LPIN2: variants seen among roughly 807,000 people sequenced by gnomAD.
LPIN2 encodes phosphatidate phosphatase LPIN2.
LPIN2 carries 55 observed loss-of-function variants against 111.4 expected under a neutral mutation model. The observed-to-expected ratio is 0.49, with a 90% CI of 0.40 to 0.62. The LOEUF (loss-of-function observed/expected upper bound fraction) is 0.62. LPIN2 is among the 20% of genes least tolerant of loss of function. LPIN2 has a pLI of 0.00. For missense variants in LPIN2, 992 were observed against 1,112.1 expected (o/e 0.89, Z 1.54); for synonymous variants, 425 against 414.0 (o/e 1.03, Z -0.32).
At chr18:2,930,449 TGGAAA>T (rs746227194) in intron 9 of LPIN2, among the ~76,000 whole-genome samples, 2 of 152,154 alleles carry the variant, frequency 1.3e-5, no homozygotes, top group Non-Finnish European at 2.9e-5. Flanking sequence ...CCTGTGACCC[TGGAAA>T]GGAAAGACTT....
chr18:3,000,052 GAA>G (rs2078409273), intron 1 of LPIN2, among the ~76,000 whole-genome samples: 1 of 142,394 alleles, frequency 7.0e-6, no homozygotes, highest in Non-Finnish European at 1.5e-5. Flanking sequence ...CTTTTAAAAA[GAA>G]GAAGAGGAGG....
intron 2 of LPIN2, among the ~76,000 whole-genome samples, chr18:2,958,152 A>C (rs865936257): frequency 1.1e-4 from 13 of 116,554 alleles, no homozygotes; most frequent in South Asian, 2.9e-4. Flanking sequence ...AAAAAAAAAA[A>C]AAAAACAACA....
At chr18:2,976,380 G>A (rs2078016082) in intron 1 of LPIN2, among the ~76,000 whole-genome samples, 1 of 152,086 alleles carries the variant, frequency 6.6e-6, no homozygotes, top group Non-Finnish European at 1.5e-5. Flanking sequence ...TTCACAGTCA[G>A]TACTCTCAGT....
At chr18:2,927,856 C>T in intron 11 of LPIN2, 45 bp from the exon 12 acceptor site, 1 of 1,494,658 alleles carries the variant, frequency 6.7e-7, no homozygotes, top group Non-Finnish European at 9.3e-7. Context: ...CTACTGGCCA[C>T]ACAGCACCTA....
chr18:2,954,553 A>G lies in LPIN2; in HGVS notation c.239T>C (p.Leu80Ser), dbSNP rs2077581822. The change falls in exon 3 of 20, where the codon TTG becomes TCG. Residue 80 changes from leucine (L) to serine (S), a missense_variant. Transcript: ENST00000677752. The stretch of plus-strand genomic sequence containing the variant: ...AAAGAAAGCTTCTCCGTTATCACCC[A>G]ACTTCATGTGAAGATCCACTGCACT... ...NGSAVDLHMK[L>S]GDNGEAFFVE... 1.9e-6 allele frequency: 3 copies of G among 1,614,018 alleles called. No individual in the cohort carries two copies. In the African/African-American group the frequency reaches 4.0e-5, roughly 22 times the overall value.
chr18:2,945,603 G>C (rs1431009255), intron 4 of LPIN2: 1 of 1,530,822 alleles, frequency 6.5e-7, no homozygotes. Context: ...GCAGTTCAAG[G>C]CTTGCCCACT....
At position 3,007,594 on chromosome 18, in the gene LPIN2, ATATAT is replaced by A. The variant is rs1231285340; in HGVS notation, c.-10+5488_-10+5492del. Among the ~76,000 whole-genome samples, 4 of 152,362 alleles carry A rather than the reference ATATAT, an allele frequency of 2.6e-5. No individual in the cohort carries two copies. The East Asian group carries it at 7.7e-4, about 29-fold the overall frequency. On this transcript the variant is annotated intron_variant, in intron 1 of 19. Transcript: ENST00000677752. ...CACAGCCTCCTAAAACAAACAAAAG[ATATAT>A]TATATCCCCTATAATGCTTCAACTA...
chr18:2,956,349 C>T lies in LPIN2; in HGVS notation c.193-1750G>A, dbSNP rs925981414. Among the ~76,000 whole-genome samples the T allele has an allele frequency of 5.8e-5, 5 of 85,832 alleles. No homozygotes were observed. The East Asian group carries it at 1.5e-3, about 25-fold the overall frequency. The allele number at this position is 85,832 out of a possible 152,430, so 56.3% of individuals were successfully genotyped here. A position where few individuals can be genotyped will look rare whatever the true frequency, so the allele number is the denominator to read the frequency against. ...GTGTGTGTGTGTGTGTGTGTGTACACGTGCACACATCCACCCATTTCCTGG... is the reference window on the plus strand; with the variant it reads ...GTGTGTGTGTGTGTGTGTGTGTACATGTGCACACATCCACCCATTTCCTGG... On this transcript the variant is annotated intron_variant, in intron 2 of 19. Coordinates refer to ENST00000677752, the MANE Select transcript of LPIN2 (RefSeq NM_001375808.2).
chr18:2,980,795 T>C (rs1268607118), intron 1 of LPIN2, among the ~76,000 whole-genome samples: 2 of 152,106 alleles, frequency 1.3e-5, no homozygotes, highest in Non-Finnish European at 2.9e-5. Flanking sequence ...AGGTGACCTC[T>C]AGAGTCCCCC....
Position 2,929,349 on chromosome 18 carries a change from A to G in LPIN2, c.1457-191T>C, listed in dbSNP as rs1268672631. Among the ~76,000 whole-genome samples, 4 of 152,178 alleles carry G rather than the reference A, an allele frequency of 2.6e-5. No individual in the cohort carries two copies. The East Asian group carries it at 5.8e-4, about 22-fold the overall frequency. ...GGACAAGAAAGAACACTTCTTTTCTATTCTCCTTTTCCACTGTCTCCCAGT... is the reference window on the plus strand; with the variant it reads ...GGACAAGAAAGAACACTTCTTTTCTGTTCTCCTTTTCCACTGTCTCCCAGT... On this transcript the variant is annotated intron_variant, in intron 9 of 19. Transcript: ENST00000677752.
At chr18:2,965,594 G>A (rs372763515) in intron 1 of LPIN2, among the ~76,000 whole-genome samples, 2 of 152,068 alleles carry the variant, frequency 1.3e-5, no homozygotes, top group East Asian at 1.9e-4. Flanking sequence ...GGCCTGTATC[G>A]TGACACATGC....
chr18:2,961,084 T>G (rs1014225943), intron 1 of LPIN2, among the ~76,000 whole-genome samples: 1 of 152,086 alleles, frequency 6.6e-6, no homozygotes. Flanking sequence ...AGCCAGGGCC[T>G]GAGGCATTCC....
intron 5 of LPIN2, among the ~76,000 whole-genome samples, chr18:2,940,050 G>A (rs2077347537): frequency 6.6e-6 from 1 of 152,176 alleles, no homozygotes; most frequent in Admixed American, 6.5e-5. Flanking sequence ...AGATGAGTGG[G>A]CACAATGTCT....
chr18:2,983,017 G>GT (rs1408071690), intron 1 of LPIN2: 6 of 300,686 alleles, frequency 2.0e-5, no homozygotes, highest in Non-Finnish European at 4.0e-5. Flanking sequence ...GTTGTGCCAT[G>GT]TGTTTACACT....
In LPIN2 at chr18:2,938,275, G is replaced by GCA. The variant is rs955734125; in HGVS notation, c.823-240_823-239dup. On this transcript the variant is annotated intron_variant, in intron 6 of 19. Transcript: ENST00000677752. ...ACAGTGGCTCACGCCTATAATCCCA[G>GCA]CACTTTGGGAGGCCAAGGTGGGCAG... Among the ~76,000 whole-genome samples the GCA allele has an allele frequency of 1.1e-4, 17 of 152,302 alleles. 1 individual carries two copies. In the South Asian group the frequency reaches 1.7e-3, roughly 15 times the overall value.
chr18:2,931,077 A>C (rs1163534340), intron 9 of LPIN2, among the ~76,000 whole-genome samples, 179 bp downstream of exon 9: 1 of 152,180 alleles, frequency 6.6e-6, no homozygotes, highest in African/African-American at 2.4e-5. Context: ...CTCCATAAAG[A>C]GGTGTCAATT....
At chr18:2,992,679 C>G (rs1476133700) in intron 1 of LPIN2, among the ~76,000 whole-genome samples, 1 of 151,936 alleles carries the variant, frequency 6.6e-6, no homozygotes, top group Non-Finnish European at 1.5e-5. Flanking sequence ...GTAGTGAGAT[C>G]TCATCTCTAT....
chr18:2,951,084 G>C lies in LPIN2; in HGVS notation c.561C>G (p.Ser187=), dbSNP rs755780342. The change falls in exon 4 of 20, where the codon TCC becomes TCG. Residue 187 remains serine, a synonymous_variant. Coordinates refer to ENST00000677752, the MANE Select transcript of LPIN2 (RefSeq NM_001375808.2). The part of the protein sequence containing the change: ...AEDTCDVGVS[S]DDDKGAQAAR... ...CTGCCTGGGCCCCCTTGTCATCATCGGAGCTCACGCCTACATCACATGTGT... is the reference window on the plus strand; with the variant it reads ...CTGCCTGGGCCCCCTTGTCATCATCCGAGCTCACGCCTACATCACATGTGT... 1 of 1,614,136 alleles carries C rather than the reference G, an allele frequency of 6.2e-7. No individual in the cohort carries two copies. Among genetic ancestry groups the C allele is most frequent in the South Asian group, 1.1e-5 (1 of 91,086 alleles).
chr18:2,947,413 T>C (rs1340093698), intron 4 of LPIN2, among the ~76,000 whole-genome samples: 1 of 152,226 alleles, frequency 6.6e-6, no homozygotes, highest in Non-Finnish European at 1.5e-5. Context: ...TTCTATGTTA[T>C]ATTTAAGCCC....
Sources: gnomAD v4.1 joint callset for allele counts (sites outside exome capture counted in the v4.1 genomes callset) on GRCh38, gnomAD v4.1.1 for gene constraint, MANE v1.5 for transcripts, NCBI Gene and HGNC (gene_info 2026-07-23, HGNC 2026-07-21) for gene names.